CENPF: variants seen among roughly 807,000 people sequenced by gnomAD.
The protein encoded by CENPF is centromere protein F.
CENPF carries 214 observed loss-of-function variants against 307.3 expected under a neutral mutation model. That is an observed-to-expected ratio of 0.70 (90% CI 0.62 to 0.78). The LOEUF is 0.78. Ranked by LOEUF, CENPF falls within the 30% of genes least tolerant of loss-of-function variation. The pLI is 0.00. For synonymous variants in CENPF, 1,259 were observed against 1,270.6 expected (o/e 0.99, Z 0.19); for missense variants, 3,401 against 3,483.9 (o/e 0.98, Z 0.60).
At chr1:214,608,496 G>C in intron 1 of CENPF, 1 of 1,612,460 alleles carries the variant, frequency 6.2e-7, no homozygotes, top group Non-Finnish European at 8.5e-7. Context: ...TGTGCGAGAA[G>C]AGGACCGTGT....
intron 1 of CENPF, among the ~76,000 whole-genome samples, chr1:214,606,824 C>T (rs1411877349): frequency 6.6e-6 from 1 of 152,198 alleles, no homozygotes; most frequent in African/African-American, 2.4e-5. Context: ...AAGGCCTCCT[C>T]GTGCCCAGTC....
intron 3 of CENPF, among the ~76,000 whole-genome samples, chr1:214,618,006 C>T (rs571245954): frequency 2.0e-5 from 3 of 152,144 alleles, no homozygotes; most frequent in South Asian, 4.1e-4. Flanking sequence ...TTTTCTTTTC[C>T]GCTGGGAAAC....
At position 214,645,531 on chromosome 1, in the gene CENPF, A is replaced by T; in HGVS notation, c.5961A>T (p.Lys1987Asn). 1 of 1,614,108 alleles carries T rather than the reference A, an allele frequency of 6.2e-7. No individual in the cohort carries two copies. The highest frequency in any genetic ancestry group is 8.5e-7 in the Non-Finnish European group (1 of 1,180,020). Residue 1987 changes from lysine (K) to asparagine (N), a missense_variant, in exon 13 of 20, where the codon AAA becomes AAT. Lys to Asn is a moderately conservative substitution (Grantham distance 94, BLOSUM62 0). Coordinates refer to ENST00000366955, the MANE Select transcript of CENPF (RefSeq NM_016343.4). ...LDQLSEKMKE[K>N]TQELESHQSE... is the part of the protein sequence containing the mutation. ...AGTTGTCTGAAAAAATGAAGGAGAAAACACAAGAGCTTGAGTCTCATCAAA... is the reference window on the plus strand; with the variant it reads ...AGTTGTCTGAAAAAATGAAGGAGAATACACAAGAGCTTGAGTCTCATCAAA...
rs757828245 is a variant in CENPF, at chr1:214,646,666, G to T, written c.7096G>T (p.Val2366Leu). The change falls in exon 13 of 20, where the codon GTA becomes TTA. Residue 2366 changes from valine to leucine, a missense_variant. Val to Leu is a conservative substitution (Grantham distance 32). Transcript: ENST00000366955. ...ALEAENSKGE[V>L]ETLKAKIEGM... ...TGAGGCAGAGAATTCCAAAGGAGAG[G>T]TAGAGACCCTAAAAGCAAAAATAGA... 6.2e-7 allele frequency: 1 copy of T among 1,613,992 alleles called. No homozygotes were observed. Among genetic ancestry groups the T allele is most frequent in the Non-Finnish European group, 8.5e-7 (1 of 1,179,992 alleles).
intron 1 of CENPF, chr1:214,608,485 C>T (rs1657101596): frequency 6.2e-7 from 1 of 1,612,656 alleles, no homozygotes; most frequent in Non-Finnish European, 8.5e-7. Flanking sequence ...CACGGCATTG[C>T]TGTGCGAGAA....
rs559277490 is a variant in CENPF, at chr1:214,652,804, T to G, written c.8161-24T>G. Reference sequence around the variant, plus strand: ...CCTCCTGGCTAAAGTAACATTTTGGTTTTTTTTGTTTGTTTTGCTCTAGTA... The same window carrying G: ...CCTCCTGGCTAAAGTAACATTTTGGGTTTTTTTGTTTGTTTTGCTCTAGTA... On this transcript the variant is annotated intron_variant, in intron 15 of 19. Transcript: ENST00000366955. 158 of 1,532,058 alleles carry G rather than the reference T, an allele frequency of 1.0e-4. 3 individuals carry two copies. In the South Asian group the frequency reaches 1.1e-3, roughly 11 times the overall value. 94.9% of individuals were successfully genotyped at this position (1,532,058 alleles called of 1,614,324 possible).
chr1:214,638,021 TAG>T lies in CENPF; in HGVS notation c.1582+23_1582+24del, dbSNP rs1658009812. 1.9e-6 allele frequency: 3 copies of T among 1,597,258 alleles called. No individual in the cohort carries two copies. The highest frequency in any genetic ancestry group is 2.6e-6 in the Non-Finnish European group (3 of 1,173,156). ...TGAAAGGTAAGTAAACTTAGTATTTTAGAGTTACCTTTCTAAGCTGCTATTCC... is the reference window on the plus strand; with the variant it reads ...TGAAAGGTAAGTAAACTTAGTATTTTAGTTACCTTTCTAAGCTGCTATTCC... On this transcript the variant is annotated intron_variant, in intron 11 of 19. Transcript: ENST00000366955.
chr1:214,617,791 C>T (rs1657400695), intron 3 of CENPF, among the ~76,000 whole-genome samples: 1 of 152,194 alleles, frequency 6.6e-6, no homozygotes, highest in Non-Finnish European at 1.5e-5. Flanking sequence ...AATGACACCA[C>T]TTTCTTCCCA....
chr1:214,647,372 A>G lies in CENPF; in HGVS notation c.7802A>G (p.Lys2601Arg). ...CTAGAGAATGAGCTTGAATTGACAA[A>G]AATGGACAAAATGTCCTTTGTTGAA... Reference protein sequence around the residue: ...KNLENELELTKMDKMSFVEKV... With the variant: ...KNLENELELTRMDKMSFVEKV... Residue 2601 changes from lysine to arginine, a missense_variant, in exon 13 of 20, where the codon AAA (lysine) becomes AGA (arginine). Transcript: ENST00000366955. 6.2e-7 allele frequency: 1 copy of G among 1,608,598 alleles called. No individual in the cohort carries two copies. Among genetic ancestry groups the G allele is most frequent in the Non-Finnish European group, 8.5e-7 (1 of 1,176,700 alleles).
At position 214,655,407 on chromosome 1, in the gene CENPF, G is replaced by A; in HGVS notation, c.8485+4G>A. The A allele has an allele frequency of 6.4e-7, 1 of 1,574,186 alleles. No homozygotes were observed. Among genetic ancestry groups the A allele is most frequent in the South Asian group, 1.2e-5 (1 of 82,648 alleles). On this transcript the variant is annotated splice_donor_region_variant and intron_variant, in intron 17 of 19. Transcript: ENST00000366955. ...GCACAGGAGAAGCAGAAAACAGGTG[G>A]GTGTTAACTGGGGCACATCAACTAG...
chr1:214,630,682 C>G lies in CENPF; in HGVS notation c.1323+20C>G, dbSNP rs763867030. 1 of 1,613,326 alleles carries G rather than the reference C, an allele frequency of 6.2e-7. No individual in the cohort carries two copies. The highest frequency in any genetic ancestry group is 8.5e-7 in the Non-Finnish European group (1 of 1,179,572). ...GATAAAGTAGGGGCCGTGTCTCTCTCTCTCTCCTTAATCATCCCCTCTTGT... is the reference window on the plus strand; with the variant it reads ...GATAAAGTAGGGGCCGTGTCTCTCTGTCTCTCCTTAATCATCCCCTCTTGT... On this transcript the variant is annotated intron_variant, in intron 9 of 19. Coordinates refer to ENST00000366955, the MANE Select transcript of CENPF (RefSeq NM_016343.4).
chr1:214,632,400 A>G (rs1657832058), intron 9 of CENPF, 80 bp from the exon 10 acceptor site: 2 of 1,485,222 alleles, frequency 1.3e-6, no homozygotes, highest in East Asian at 4.6e-5. Context: ...TTCCATGACC[A>G]TTTTATTGTT....
In CENPF at chr1:214,657,414, G is replaced by C. The variant is rs767705034; in HGVS notation, c.8962+5G>C. The C allele has an allele frequency of 3.2e-6, 5 of 1,574,984 alleles. No homozygotes were observed. In the African/African-American group the frequency reaches 6.8e-5, roughly 21 times the overall value. ...TTCCAGAAGTTGTAAAGAAAGGTAT[G>C]CCTAATTTAAAGACAAAATTATTTG... On this transcript the variant is annotated splice_donor_5th_base_variant and intron_variant, in intron 18 of 19. Coordinates refer to ENST00000366955, the MANE Select transcript of CENPF (RefSeq NM_016343.4).
At chr1:214,647,545 G>A (rs1171925822) in intron 13 of CENPF, 145 bp downstream of exon 13, 1 of 903,460 alleles carries the variant, frequency 1.1e-6, no homozygotes, top group African/African-American at 1.7e-5. Flanking sequence ...TGTTTACTGG[G>A]TCTTGAATTG....
rs777441026 is a variant in CENPF at position 214,613,864 on chromosome 1, G to A, written c.110G>A (p.Arg37Lys). Reference sequence around the variant, plus strand: ...AAACTGAAGAAGGAAAAGCAGCAAAGGCAGTTTCAGCTTGACAGTCTCGAG... The same window carrying A: ...AAACTGAAGAAGGAAAAGCAGCAAAAGCAGTTTCAGCTTGACAGTCTCGAG... ...LDKLKKEKQQ[R>K]QFQLDSLEAA... The change falls in exon 2 of 20, where the codon AGG becomes AAG. Residue 37 changes from arginine (R) to lysine (K), a missense_variant. Physicochemically the swap from Arg to Lys is conservative, Grantham distance 26. Transcript: ENST00000366955. The A allele has an allele frequency of 1.2e-6, 2 of 1,613,870 alleles. No homozygotes were observed. Among genetic ancestry groups the A allele is most frequent in the Non-Finnish European group, 1.7e-6 (2 of 1,179,906 alleles).
rs3790647 is a variant in CENPF, at chr1:214,645,602, A to C, written c.6032A>C (p.Glu2011Ala). 103,111 of 1,614,076 alleles carry C rather than the reference A, an allele frequency of 0.064. 4,325 individuals are homozygous for C. The highest frequency in any genetic ancestry group is 0.15 in the South Asian group (13,475 of 91,086). Reference protein sequence around the residue: ...CIQVAEAEVKEKTELLQTLSS... With the variant: ...CIQVAEAEVKAKTELLQTLSS... ...CAGGTGGCAGAGGCAGAGGTGAAGG[A>C]AAAGACGGAACTCCTTCAGACTTTG... The change falls in exon 13 of 20, where the codon GAA becomes GCA. Residue 2011 changes from glutamate (E) to alanine (A), a missense_variant. By Grantham distance (107) the Glu-to-Ala change is moderately radical (BLOSUM62 -1). Transcript: ENST00000366955.
At chr1:214,663,128 G>A (rs1031778525) in intron 19 of CENPF, among the ~76,000 whole-genome samples, 1 of 152,212 alleles carries the variant, frequency 6.6e-6, no homozygotes, top group African/African-American at 2.4e-5. Flanking sequence ...GAAACAGTCA[G>A]CCATAAAGGG....
intron 6 of CENPF, 38 bp downstream of exon 6, chr1:214,620,984 T>C: frequency 6.5e-7 from 1 of 1,547,138 alleles, no homozygotes. Flanking sequence ...TTCACTTTGC[T>C]TGAGGTAATT....
chr1:214,652,796 C>A (rs780317404), intron 15 of CENPF, 32 bp from the exon 16 acceptor site: 1 of 1,524,274 alleles, frequency 6.6e-7, no homozygotes, highest in East Asian at 2.3e-5. Context: ...GCTAAAGTAA[C>A]ATTTTGGTTT....
Sources: gnomAD v4.1 joint callset for allele counts (sites outside exome capture counted in the v4.1 genomes callset) on GRCh38, gnomAD v4.1.1 for gene constraint, MANE v1.5 for transcripts, NCBI Gene and HGNC (gene_info 2026-07-23, HGNC 2026-07-21) for gene names.